The following ANK2 variants were observed in gnomAD, a reference collection of about 807,000 sequenced individuals.
ANK2 encodes the protein ankyrin 2, also known as ankyrin-2.
In ANK2, 83 loss-of-function variants were observed where a neutral mutation model predicts 360.5. That is an observed-to-expected ratio of 0.23 (90% CI 0.19 to 0.28). The LOEUF (loss-of-function observed/expected upper bound fraction) is 0.28, where lower values mean the gene tolerates loss of function less well. Among genes scored for constraint, ANK2 ranks in the 10% least tolerant of loss-of-function variants. The probability of loss-of-function intolerance (pLI) is 1.00; values close to 1 mark genes in which losing one functional copy is unlikely to be tolerated. For missense variants in ANK2, 4,201 were observed against 4,795.7 expected (o/e 0.88, Z 3.66); for synonymous variants, 1,740 against 1,759.5 (o/e 0.99, Z 0.28).
At chr4:112,988,973 G>A (rs951299580) in intron 2 of ANK2, among the ~76,000 whole-genome samples, 1 of 152,194 alleles carries the variant, frequency 6.6e-6, no homozygotes, top group Non-Finnish European at 1.5e-5. Context: ...CAATGGGAAT[G>A]ATTCTGTTTT....
intron 4 of ANK2, among the ~76,000 whole-genome samples, chr4:113,226,872 C>T (rs1313326448): frequency 6.6e-6 from 1 of 152,204 alleles, no homozygotes; most frequent in Non-Finnish European, 1.5e-5. Flanking sequence ...ATTTCACCCA[C>T]CCAGTATCAG....
intron 1 of ANK2, among the ~76,000 whole-genome samples, chr4:112,883,228 G>T (rs1317331517): frequency 6.6e-6 from 1 of 151,556 alleles, no homozygotes; most frequent in African/African-American, 2.4e-5. Flanking sequence ...TAGTAGAGAT[G>T]AGGTTTTGCC....
At chr4:113,217,692 G>A (rs2099101199) in intron 4 of ANK2, among the ~76,000 whole-genome samples, 1 of 152,042 alleles carries the variant, frequency 6.6e-6, no homozygotes, top group Non-Finnish European at 1.5e-5. Context: ...GAGCTCAGGC[G>A]GTAATGCTCA....
At chr4:113,106,837 G>A (rs2093685009) in intron 1 of ANK2, 1 of 521,234 alleles carries the variant, frequency 1.9e-6, no homozygotes, top group South Asian at 1.5e-5. Context: ...TTTTATTCCT[G>A]TAACTGGGCC....
At chr4:112,997,367 T>C (rs528886758) in intron 2 of ANK2, among the ~76,000 whole-genome samples, 77 of 152,288 alleles carry the variant, frequency 5.1e-4, no homozygotes, top group African/African-American at 1.8e-3. Context: ...AATTTCTGAC[T>C]GACCAAATCT....
In ANK2 at chr4:113,232,327, C is replaced by T. The variant is rs931111053; in HGVS notation, c.483+68C>T. 39 of 1,177,854 alleles carry T rather than the reference C, an allele frequency of 3.3e-5. No homozygotes were observed. In the East Asian group the frequency reaches 8.8e-4, roughly 27 times the overall value. The allele number at this position is 1,177,854 out of a possible 1,614,324, so 73.0% of individuals were successfully genotyped here. The stretch of plus-strand genomic sequence containing the variant: ...TGTCCATATTCTTTATATCAGGCTG[C>T]AAATAGTCTCCATTACTTTGTCTAA... On this transcript the variant is annotated intron_variant, in intron 5 of 45. Coordinates refer to ENST00000357077, the MANE Select transcript of ANK2 (RefSeq NM_001148.6).
At chr4:113,265,033 C>A (rs891675845) in intron 14 of ANK2, 38 bp downstream of exon 14, 2 of 1,531,338 alleles carry the variant, frequency 1.3e-6, no homozygotes, top group East Asian at 2.4e-5. Context: ...TCTATCGCAG[C>A]GCATGAGTTT....
chr4:112,719,521 G>A, the ANK2 span, among the ~76,000 whole-genome samples: 1 of 152,066 alleles, frequency 6.6e-6, no homozygotes, highest in African/African-American at 2.4e-5. Context: ...GAGGTCAGGA[G>A]ATCGAGACCA....
At chr4:113,146,284 G>A (rs1164888018) in intron 1 of ANK2, among the ~76,000 whole-genome samples, 1 of 152,172 alleles carries the variant, frequency 6.6e-6, no homozygotes, top group Non-Finnish European at 1.5e-5. Context: ...TTTGTCCAAA[G>A]GTGGACATAC....
chr4:112,781,020 AC>A, the ANK2 span, among the ~76,000 whole-genome samples: 5 of 152,088 alleles, frequency 3.3e-5, no homozygotes, highest in African/African-American at 1.2e-4. Flanking sequence ...TTTTTTTGAG[AC>A]AAGGTCTTAC....
intron 24 of ANK2, among the ~76,000 whole-genome samples, chr4:113,317,034 C>T (rs982845559): frequency 2.0e-5 from 3 of 152,178 alleles, no homozygotes; most frequent in African/African-American, 7.2e-5. Flanking sequence ...AGTCACCACA[C>T]ACAGGACATG....
At chr4:112,796,809 T>C in the ANK2 span, among the ~76,000 whole-genome samples, 6 of 152,062 alleles carry the variant, frequency 3.9e-5, no homozygotes, top group Non-Finnish European at 1.5e-5. Flanking sequence ...CAATGATCAA[T>C]GTCTGCTAAA....
chr4:112,820,877 C>T (rs757129499), intron 1 of ANK2, among the ~76,000 whole-genome samples: 3 of 152,086 alleles, frequency 2.0e-5, no homozygotes, highest in Non-Finnish European at 4.4e-5. Flanking sequence ...ACTGGGACTA[C>T]AGGTGCATGC....
chr4:112,779,284 T>C, the ANK2 span, among the ~76,000 whole-genome samples: 9 of 152,306 alleles, frequency 5.9e-5, no homozygotes, highest in African/African-American at 1.9e-4. Flanking sequence ...TTTGGGAGGC[T>C]GAGGCGGGCA....
intron 4 of ANK2, among the ~76,000 whole-genome samples, chr4:113,211,573 C>T (rs79763063): frequency 0.028 from 4,244 of 152,234 alleles, 100 homozygotes; most frequent in East Asian, 0.067. Flanking sequence ...TTTCCGTAAA[C>T]AAATGCAAAT....
chr4:112,850,327 ATCTG>A (rs1198654198), intron 1 of ANK2, among the ~76,000 whole-genome samples: 2 of 119,228 alleles, frequency 1.7e-5, no homozygotes, highest in African/African-American at 6.7e-5. Flanking sequence ...CCATCCATTC[ATCTG>A]TCCATCCATC....
intron 2 of ANK2, among the ~76,000 whole-genome samples, chr4:112,952,911 G>C (rs115150694): frequency 0.012 from 1,825 of 152,230 alleles, 40 homozygotes; most frequent in African/African-American, 0.041. Flanking sequence ...ACTTGACCAA[G>C]TCAAGAGAGA....
intron 1 of ANK2, among the ~76,000 whole-genome samples, chr4:113,075,108 A>T (rs951383122): frequency 2.6e-5 from 4 of 152,226 alleles, no homozygotes; most frequent in Non-Finnish European, 4.4e-5. Context: ...CTGCATTTTA[A>T]TAAGATCTTT....
chr4:112,944,822 C>A (rs1275443989), intron 2 of ANK2, among the ~76,000 whole-genome samples: 1 of 152,162 alleles, frequency 6.6e-6, no homozygotes, highest in Non-Finnish European at 1.5e-5. Flanking sequence ...CTGACCTTAC[C>A]TTTAAGGAAA....
Sources: gnomAD v4.1 joint callset for allele counts (sites outside exome capture counted in the v4.1 genomes callset) on GRCh38, gnomAD v4.1.1 for gene constraint, MANE v1.5 for transcripts, NCBI Gene and HGNC (gene_info 2026-07-23, HGNC 2026-07-21) for gene names.